SAMD12: variants seen among roughly 807,000 people sequenced by gnomAD.
SAMD12 encodes sterile alpha motif domain-containing protein 12.
In SAMD12, 9 loss-of-function variants were observed where a neutral mutation model predicts 15.0. The ratio of observed to expected loss-of-function variants is 0.60; its 90% CI spans 0.36 to 1.05. The LOEUF (loss-of-function observed/expected upper bound fraction) is 1.05, where lower values mean the gene tolerates loss of function less well. Ranked by LOEUF, SAMD12 falls within the 50% of genes least tolerant of loss-of-function variation. The pLI is 0.01. For missense variants in SAMD12, 230 were observed against 234.2 expected (o/e 0.98, Z 0.12); for synonymous variants, 86 against 90.1 (o/e 0.96, Z 0.25).
At chr8:118,523,861 A>G (rs143590634) in intron 2 of SAMD12, among the ~76,000 whole-genome samples, 68 of 152,102 alleles carry the variant, frequency 4.5e-4, no homozygotes, top group African/African-American at 1.6e-3. Context: ...ACCTCCCACC[A>G]TCAACTCTAC....
rs1286989680 is a variant in SAMD12 at position 118,554,308 on chromosome 8, A to T, written c.192+26407T>A. Among the ~76,000 whole-genome samples, 4 of 152,140 alleles carry T rather than the reference A, an allele frequency of 2.6e-5. No homozygotes were observed. The East Asian group carries it at 5.8e-4, about 22-fold the overall frequency. On this transcript the variant is annotated intron_variant, in intron 2 of 3. Transcript: ENST00000314727. The stretch of plus-strand genomic sequence containing the variant: ...CAAATGTCCAACAATGATAGAATGG[A>T]TTAAGAAAATGTGGCACATATACAC...
At chr8:118,356,224 T>C (rs1818216546) in intron 4 of SAMD12, among the ~76,000 whole-genome samples, 1 of 152,176 alleles carries the variant, frequency 6.6e-6, no homozygotes, top group African/African-American at 2.4e-5. Flanking sequence ...TGCCTAAGGT[T>C]ATACAGGGAG....
At chr8:118,193,258 T>A (rs1181520286) in exon 5 of SAMD12, 5 of 152,218 alleles carry the variant, frequency 3.3e-5, no homozygotes, top group African/African-American at 1.2e-4. Flanking sequence ...GGTAGAACTT[T>A]CCTGTGTACT....
At chr8:118,589,831 T>C (rs137886707) in intron 1 of SAMD12, among the ~76,000 whole-genome samples, 40 of 152,358 alleles carry the variant, frequency 2.6e-4, no homozygotes, top group African/African-American at 9.4e-4. Flanking sequence ...CTTTACTACA[T>C]ATCATCTACT....
chr8:118,136,979 G>A, the SAMD12 span, among the ~76,000 whole-genome samples: 42 of 152,162 alleles, frequency 2.8e-4, no homozygotes, highest in African/African-American at 7.0e-4. Context: ...CAGGTTCTCC[G>A]TGTTTTGAAC....
At chr8:118,333,918 CA>C (rs1816927165) in intron 4 of SAMD12, among the ~76,000 whole-genome samples, 1 of 70,962 alleles carries the variant, frequency 1.4e-5, no homozygotes, top group Admixed American at 2.0e-4. Flanking sequence ...TGCACGTTGG[CA>C]GGGGGTATGT....
chr8:118,533,472 T>A (rs1825746189), intron 2 of SAMD12, among the ~76,000 whole-genome samples: 1 of 152,216 alleles, frequency 6.6e-6, no homozygotes. Flanking sequence ...GGTGCAGAGC[T>A]GAGTTCAGTT....
intron 4 of SAMD12, among the ~76,000 whole-genome samples, chr8:118,267,809 G>A (rs1813243189): frequency 6.6e-6 from 1 of 151,888 alleles, no homozygotes; most frequent in African/African-American, 2.4e-5. Context: ...AAATCCTAAA[G>A]GCTGGGCATG....
chr8:118,558,069 A>T (rs1199396215), intron 2 of SAMD12, among the ~76,000 whole-genome samples: 4 of 152,228 alleles, frequency 2.6e-5, no homozygotes, highest in Admixed American at 6.5e-5. Flanking sequence ...CATTACAAAT[A>T]ATTCTACAAT....
chr8:118,471,306 T>C (rs1823787281), intron 2 of SAMD12, among the ~76,000 whole-genome samples: 1 of 152,210 alleles, frequency 6.6e-6, no homozygotes, highest in Admixed American at 6.5e-5. Context: ...GATATACAAA[T>C]TATTCAATTA....
At position 118,305,081 on chromosome 8, in the gene SAMD12, G is replaced by A. The variant is rs545252352; in HGVS notation, c.433+74479C>T. Reference sequence around the variant, plus strand: ...CAAAAATTGCTTGAACCCGGGAGGCGGAGGTTGCAGTGAGCCAAGATCGCA... The same window carrying A: ...CAAAAATTGCTTGAACCCGGGAGGCAGAGGTTGCAGTGAGCCAAGATCGCA... On this transcript the variant is annotated intron_variant, in intron 4 of 4. Transcript: ENST00000409003. 2.5e-4 allele frequency among the ~76,000 whole-genome samples: 37 copies of A among 147,938 alleles called. No individual in the cohort carries two copies. In the East Asian group the frequency reaches 5.7e-3, roughly 23 times the overall value.
intron 3 of SAMD12, among the ~76,000 whole-genome samples, chr8:118,392,977 G>T (rs1310006893): frequency 6.6e-6 from 1 of 152,114 alleles, no homozygotes; most frequent in Admixed American, 6.5e-5. Context: ...GTTAACTCAA[G>T]GGCCAGAATA....
At chr8:118,441,674 T>C (rs183463389) in intron 2 of SAMD12, among the ~76,000 whole-genome samples, 2 of 152,334 alleles carry the variant, frequency 1.3e-5, no homozygotes, top group East Asian at 3.8e-4. Context: ...CTGCTTTTCA[T>C]TCAATGGGAC....
intron 4 of SAMD12, among the ~76,000 whole-genome samples, chr8:118,256,821 C>CAA (rs1554618191): frequency 1.3e-5 from 2 of 148,338 alleles, no homozygotes; most frequent in African/African-American, 5.1e-5. Flanking sequence ...CACACACACA[C>CAA]GCACACATTC....
exon 5 of SAMD12, chr8:118,194,715 T>C (rs980263890): frequency 2.0e-5 from 3 of 152,170 alleles, no homozygotes; most frequent in Non-Finnish European, 2.9e-5. Flanking sequence ...TCACCACAAC[T>C]ATTTCTGGAT....
At chr8:118,342,834 C>T (rs1817440085) in intron 4 of SAMD12, among the ~76,000 whole-genome samples, 1 of 152,162 alleles carries the variant, frequency 6.6e-6, no homozygotes, top group Non-Finnish European at 1.5e-5. Context: ...TATTCAATTA[C>T]ATCAACAGGC....
chr8:118,529,572 G>A (rs565542297), intron 2 of SAMD12, among the ~76,000 whole-genome samples: 97 of 152,220 alleles, frequency 6.4e-4, no homozygotes, highest in Non-Finnish European at 9.0e-4. Flanking sequence ...GGAGTTGCCA[G>A]TGTCTATTAT....
chr8:118,234,034 T>A (rs770544267), intron 4 of SAMD12, among the ~76,000 whole-genome samples: 47 of 152,130 alleles, frequency 3.1e-4, no homozygotes, highest in Non-Finnish European at 6.3e-4. Context: ...TTGGGAGTAA[T>A]GTTAAAGGAA....
At chr8:118,504,567 C>T (rs1824873852) in intron 2 of SAMD12, among the ~76,000 whole-genome samples, 1 of 152,182 alleles carries the variant, frequency 6.6e-6, no homozygotes, top group Non-Finnish European at 1.5e-5. Flanking sequence ...TCCCTGTAGC[C>T]TGCAAGTGTG....
Sources: gnomAD v4.1 joint callset for allele counts (sites outside exome capture counted in the v4.1 genomes callset) on GRCh38, gnomAD v4.1.1 for gene constraint, MANE v1.5 for transcripts, NCBI Gene and HGNC (gene_info 2026-07-23, HGNC 2026-07-21) for gene names.